CAMK2B: variants seen among roughly 807,000 people sequenced by gnomAD.
CAMK2B encodes calcium/calmodulin-dependent protein kinase type II subunit beta.
Under a neutral mutation model 93.7 loss-of-function variants are expected in CAMK2B, and 27 were observed. The ratio of observed to expected loss-of-function variants is 0.29; its 90% CI spans 0.21 to 0.40. CAMK2B has a LOEUF of 0.40. Ranked by LOEUF, CAMK2B falls within the 10% of genes least tolerant of loss-of-function variation. CAMK2B has a pLI of 1.00. For synonymous variants in CAMK2B, 374 were observed against 358.8 expected, an observed-to-expected ratio of 1.04 and a Z score of -0.48; for missense variants, 568 against 895.8, an observed-to-expected ratio of 0.63 and a Z score of 4.67.
intron 20 of CAMK2B, among the ~76,000 whole-genome samples, chr7:44,222,422 A>T (rs942341169): frequency 6.6e-6 from 1 of 151,746 alleles, no homozygotes; most frequent in African/African-American, 2.4e-5. Flanking sequence ...CTGTGGTCTA[A>T]ATTCCCAGAG....
Position 44,263,002 on chromosome 7 carries a change from C to G in CAMK2B, c.220+3G>C. The G allele has an allele frequency of 6.2e-7, 1 of 1,612,900 alleles. No homozygotes were observed. The highest frequency in any genetic ancestry group is 8.5e-7 in the Non-Finnish European group (1 of 1,179,234). On this transcript the variant is annotated splice_donor_region_variant and intron_variant, in intron 3 of 23. Coordinates refer to ENST00000395749, the MANE Select transcript of CAMK2B (RefSeq NM_001220.5). ...TCCCCGCTCCCTACCCCAGGCTGCT[C>G]ACCGATGTTGGAATGCTTCAGAAGG...
At chr7:44,295,832 C>T (rs1788151224) in intron 1 of CAMK2B, among the ~76,000 whole-genome samples, 1 of 152,292 alleles carries the variant, frequency 6.6e-6, no homozygotes, top group African/African-American at 2.4e-5. Flanking sequence ...TACCCAACTC[C>T]AGCCCCCTCC....
Position 44,225,643 on chromosome 7 carries a change from C to T in CAMK2B, c.1597+873G>A. 1.1e-6 allele frequency: 1 copy of T among 946,610 alleles called. No homozygotes were observed. The highest frequency in any genetic ancestry group is 1.5e-6 in the Non-Finnish European group (1 of 684,752). The allele number at this position is 946,610 out of a possible 1,614,324, so 58.6% of individuals were successfully genotyped here. A position where few individuals can be genotyped will look rare whatever the true frequency, so the allele number is the denominator to read the frequency against. On this transcript the variant is annotated intron_variant, in intron 20 of 23. Coordinates refer to ENST00000395749, the MANE Select transcript of CAMK2B (RefSeq NM_001220.5). This position sits in a 1 kb window ranked among gnomAD's most constrained non-coding sequence, Gnocchi z 5.0. ...AGCCTGCATCCCCCTCCTCGAGCCG[C>T]TGCTCCTGTGGGTTCACTCTCCCCA...
intron 20 of CAMK2B, among the ~76,000 whole-genome samples, chr7:44,223,525 C>T (rs1045578469): frequency 7.2e-5 from 11 of 152,206 alleles, no homozygotes; most frequent in African/African-American, 2.7e-4. Flanking sequence ...TCTGTCCCAA[C>T]ACATGCTGTG....
At chr7:44,253,629 G>C (rs1050102319) in intron 5 of CAMK2B, among the ~76,000 whole-genome samples, 1 of 150,250 alleles carries the variant, frequency 6.7e-6, no homozygotes, top group African/African-American at 2.4e-5. Flanking sequence ...ACAGGGTCTT[G>C]CTCTGTCACC....
At chr7:44,220,742 C>A in intron 21 of CAMK2B, 32 bp from the exon 22 acceptor site, 1 of 1,588,336 alleles carries the variant, frequency 6.3e-7, no homozygotes, top group Non-Finnish European at 8.6e-7. Flanking sequence ...GGAGGGGCCC[C>A]GTGGACCCCT....
At chr7:44,263,974 G>A (rs1440466469) in intron 2 of CAMK2B, 1 of 154,788 alleles carries the variant, frequency 6.5e-6, no homozygotes, top group Non-Finnish European at 1.5e-5. Context: ...GTCGAAACTA[G>A]GCAGTCGGTG....
intron 1 of CAMK2B, among the ~76,000 whole-genome samples, chr7:44,293,634 G>C (rs1465495477): frequency 6.6e-6 from 1 of 152,202 alleles, no homozygotes; most frequent in Non-Finnish European, 1.5e-5. Flanking sequence ...TCAGGCATTA[G>C]TTAGATTATC....
intron 13 of CAMK2B, 85 bp downstream of exon 13, chr7:44,239,504 G>A: frequency 7.6e-7 from 1 of 1,313,714 alleles, no homozygotes; most frequent in East Asian, 2.5e-5. Context: ...CTGGAGCCCG[G>A]CCAGCGGCTG....
intron 5 of CAMK2B, among the ~76,000 whole-genome samples, chr7:44,247,665 G>C (rs1267667647): frequency 1.3e-5 from 2 of 152,220 alleles, no homozygotes; most frequent in African/African-American, 4.8e-5. Flanking sequence ...AAAGCCCCAG[G>C]CACCAGGACC....
At chr7:44,262,821 G>A (rs1266035831) in intron 3 of CAMK2B, among the ~76,000 whole-genome samples, 184 bp downstream of exon 3, 7 of 152,192 alleles carry the variant, frequency 4.6e-5, no homozygotes, top group Non-Finnish European at 7.3e-5. Flanking sequence ...TGTCACATAC[G>A]ACAAAGTCCT....
At chr7:44,234,112 G>T (rs2096603658) in intron 15 of CAMK2B, among the ~76,000 whole-genome samples, 1 of 152,208 alleles carries the variant, frequency 6.6e-6, no homozygotes, top group Non-Finnish European at 1.5e-5. Flanking sequence ...ACATGGGTGG[G>T]AGGCTGGGCC....
intron 1 of CAMK2B, among the ~76,000 whole-genome samples, chr7:44,289,656 G>A (rs1472688298): frequency 6.6e-6 from 1 of 152,166 alleles, no homozygotes; most frequent in East Asian, 1.9e-4. Flanking sequence ...ACAGAATGAG[G>A]TGACACAGGT....
At chr7:44,280,765 A>G (rs1010976871) in intron 2 of CAMK2B, among the ~76,000 whole-genome samples, 2 of 152,270 alleles carry the variant, frequency 1.3e-5, no homozygotes, top group African/African-American at 4.8e-5. Flanking sequence ...GTGGGAAGGG[A>G]TCCATCCCAC....
chr7:44,297,934 G>A, intron 1 of CAMK2B, among the ~76,000 whole-genome samples: 1 of 152,194 alleles, frequency 6.6e-6, no homozygotes, highest in East Asian at 1.9e-4. Flanking sequence ...GACCAGCCTG[G>A]CCAACATGGC....
chr7:44,240,157 C>CT lies in CAMK2B; in HGVS notation c.947-495_947-494insA, dbSNP rs397792249. 6.1e-3 allele frequency among the ~76,000 whole-genome samples: 928 copies of CT among 151,868 alleles called. 7 individuals carry two copies. The highest frequency in any genetic ancestry group is 0.024 in the Middle Eastern group (7 of 294). On this transcript the variant is annotated intron_variant, in intron 12 of 23. Transcript: ENST00000395749. ...TCCACTCCGGGGCTAACATCATGCC[C>CT]GATGGGTCTGCCAGCGCCCTGGGCC...
At chr7:44,258,549 G>A (rs1450309219) in intron 4 of CAMK2B, among the ~76,000 whole-genome samples, 1 of 152,276 alleles carries the variant, frequency 6.6e-6, no homozygotes, top group Non-Finnish European at 1.5e-5. Flanking sequence ...GAAGGTGAAT[G>A]CAGCTGCTGA....
At chr7:44,264,544 G>A (rs1405985228) in intron 2 of CAMK2B, among the ~76,000 whole-genome samples, 3 of 152,178 alleles carry the variant, frequency 2.0e-5, no homozygotes, top group Admixed American at 1.3e-4. Flanking sequence ...GGCATCCCAC[G>A]AGAGGGATTC....
At chr7:44,239,310 C>A (rs2096654159) in intron 13 of CAMK2B, among the ~76,000 whole-genome samples, 1 of 152,212 alleles carries the variant, frequency 6.6e-6, no homozygotes, top group Admixed American at 6.5e-5. Flanking sequence ...GGTCTCCGGA[C>A]CCCCAGACCT....
Sources: allele counts gnomAD v4.1 joint callset (sites outside exome capture counted in the v4.1 genomes callset), GRCh38; gene constraint gnomAD v4.1.1; non-coding constraint Gnocchi (gnomAD v3.1); transcripts MANE v1.5; gene names NCBI Gene and HGNC (gene_info 2026-07-23, HGNC 2026-07-21).